The following ZNF839 variants were observed in gnomAD, a reference collection of about 807,000 sequenced individuals.
ZNF839 encodes renal carcinoma antigen NY-REN-50.
In ZNF839, 38 loss-of-function variants were observed where a neutral mutation model predicts 56.4. The observed-to-expected ratio is 0.67, with a 90% CI of 0.52 to 0.88. ZNF839 has a LOEUF of 0.88. Among genes scored for constraint, ZNF839 ranks in the 40% least tolerant of loss-of-function variants. The probability of loss-of-function intolerance (pLI) is 0.00; values close to 1 mark genes in which losing one functional copy is unlikely to be tolerated. For synonymous variants in ZNF839, 486 were observed against 493.5 expected (o/e 0.98, Z 0.20); for missense variants, 1,091 against 1,177.6 (o/e 0.93, Z 1.08).
Position 102,326,160 on chromosome 14 carries a change from C to T in ZNF839, c.464C>T (p.Pro155Leu), listed in dbSNP as rs773441102. Residue 155 changes from proline (P) to leucine (L), a missense_variant, in exon 2 of 8, where the codon CCG (proline) becomes CTG (leucine). By Grantham distance (98) the Pro-to-Leu change is moderately conservative (BLOSUM62 -3). Transcript: ENST00000442396. This position sits in a 1 kb window ranked among gnomAD's most constrained non-coding sequence, Gnocchi z 4.3. ...AGCCCTCAGCTGCTCAGGGTACAGC[C>T]GCTTGTGAGAACCGAGCCACAGTCC... ...IASPQLLRVQPLVRTEPQSCF... is the reference protein window; with the variant it reads ...IASPQLLRVQLLVRTEPQSCF... 3.3e-5 allele frequency: 54 copies of T among 1,613,714 alleles called. No individual in the cohort carries two copies. The Admixed American group carries it at 8.0e-4, about 24-fold the overall frequency.
Position 102,319,799 on chromosome 14 carries a change from AGCGAGGATGGCGGCGGCG to A in ZNF839, c.38_55del (p.Glu13_Gly18del). 1.6e-6 allele frequency: 2 copies of A among 1,232,332 alleles called. No homozygotes were observed. Among genetic ancestry groups the A allele is most frequent in the Non-Finnish European group, 2.0e-6 (2 of 988,342 alleles). The allele number at this position is 1,232,332 out of a possible 1,614,324, so 76.3% of individuals were successfully genotyped here. On this transcript the variant is annotated inframe_deletion, in exon 1 of 8. Coordinates refer to ENST00000442396, the MANE Select transcript of ZNF839 (RefSeq NM_018335.6). This position sits in a 1 kb window ranked among gnomAD's most constrained non-coding sequence, Gnocchi z 4.5. The stretch of plus-strand genomic sequence containing the variant: ...TGCGGAGCCGGAGGCTGGGGGCGGC[AGCGAGGATGGCGGCGGCG>A]GCGGCGGCCCGGCTCCTCCGGGCCA...
Position 102,319,790 on chromosome 14 carries a change from G to A in ZNF839, c.25G>A (p.Gly9Arg), listed in dbSNP as rs999512756. Residue 9 changes from glycine to arginine, a missense_variant, in exon 1 of 8, where the codon GGG (glycine) becomes AGG (arginine). Transcript: ENST00000442396. The surrounding 1 kb of genome is among the most constrained non-coding windows in gnomAD (Gnocchi z 4.5). MADAEPEAGGGSEDGGGGG... is the reference protein window; with the variant it reads MADAEPEARGGSEDGGGGG... Reference sequence around the variant, plus strand: ...CATGGCGGATGCGGAGCCGGAGGCTGGGGGCGGCAGCGAGGATGGCGGCGG... The same window carrying A: ...CATGGCGGATGCGGAGCCGGAGGCTAGGGGCGGCAGCGAGGATGGCGGCGG... 8.9e-6 allele frequency: 11 copies of A among 1,232,052 alleles called. No individual in the cohort carries two copies. In the Admixed American group the frequency reaches 1.3e-4, roughly 14 times the overall value. 76.3% of individuals were successfully genotyped at this position (1,232,052 alleles called of 1,614,324 possible). A position where few individuals can be genotyped will look rare whatever the true frequency, so the allele number is the denominator to read the frequency against.
chr14:102,326,203 A>T lies in ZNF839; in HGVS notation c.507A>T (p.Leu169Phe). 1 of 1,613,776 alleles carries T rather than the reference A, an allele frequency of 6.2e-7. No homozygotes were observed. Among genetic ancestry groups the T allele is most frequent in the Non-Finnish European group, 8.5e-7 (1 of 1,179,764 alleles). Reference sequence around the variant, plus strand: ...CACAGTCCTGCTTCCTAAGTGACTTATGCCAACCTCCTGCTCAGGGGTTTG... The same window carrying T: ...CACAGTCCTGCTTCCTAAGTGACTTTTGCCAACCTCCTGCTCAGGGGTTTG... ...TEPQSCFLSDLCQPPAQGFVQ... is the reference protein window; with the variant it reads ...TEPQSCFLSDFCQPPAQGFVQ... The change falls in exon 2 of 8, where the codon TTA becomes TTT. Residue 169 changes from leucine to phenylalanine, a missense_variant. Around this residue, in one of 3 missense-constraint regions of ZNF839, gnomAD observed 614 missense variants for 629.2 expected, o/e 0.98. Coordinates refer to ENST00000442396, the MANE Select transcript of ZNF839 (RefSeq NM_018335.6). This position sits in a 1 kb window ranked among gnomAD's most constrained non-coding sequence, Gnocchi z 4.3.
At chr14:102,323,416 G>GT (rs1260933332) in intron 1 of ZNF839, among the ~76,000 whole-genome samples, 2 of 152,216 alleles carry the variant, frequency 1.3e-5, no homozygotes, top group African/African-American at 4.8e-5. Context: ...CGGGAGCCTT[G>GT]TTTCTTTTGC....
In ZNF839 at chr14:102,320,003, C is replaced by T; in HGVS notation, c.238C>T (p.Arg80Trp). The T allele has an allele frequency of 8.5e-7, 1 of 1,177,324 alleles. No individual in the cohort carries two copies. Among genetic ancestry groups the T allele is most frequent in the Non-Finnish European group, 1.0e-6 (1 of 953,786 alleles). 72.9% of individuals were successfully genotyped at this position (1,177,324 alleles called of 1,614,324 possible). A position where few individuals can be genotyped will look rare whatever the true frequency, so the allele number is the denominator to read the frequency against. The stretch of plus-strand genomic sequence containing the variant: ...CGCGGCCCAACAGGCCGCCCTGCAG[C>T]GGGGCCGGGGCACCGAGCCCCCGCG... ...RDAAQQAALQ[R>W]GRGTEPPRLP... The change falls in exon 1 of 8, where the codon CGG (arginine) becomes TGG (tryptophan). Residue 80 changes from arginine to tryptophan, a missense_variant. Coordinates refer to ENST00000442396, the MANE Select transcript of ZNF839 (RefSeq NM_018335.6).
chr14:102,323,628 T>C (rs1245553352), intron 1 of ZNF839, among the ~76,000 whole-genome samples: 2 of 152,176 alleles, frequency 1.3e-5, no homozygotes, highest in Non-Finnish European at 2.9e-5. Context: ...ACCTGCGTGT[T>C]TTTTTTATAG....
intron 6 of ZNF839, 48 bp downstream of exon 6, chr14:102,339,001 G>C: frequency 6.2e-7 from 1 of 1,613,762 alleles, no homozygotes; most frequent in Non-Finnish European, 8.5e-7. Context: ...CGGTGAATTA[G>C]CGTGGTTTGG....
At chr14:102,337,488 A>G (rs886834669) in intron 5 of ZNF839, 9 of 152,178 alleles carry the variant, frequency 5.9e-5, no homozygotes, top group African/African-American at 2.2e-4. Context: ...TAAATTACAT[A>G]TGATGAAAAT....
chr14:102,326,464 T>C lies in ZNF839; in HGVS notation c.768T>C (p.Pro256=), dbSNP rs753596139. 1.2e-6 allele frequency: 2 copies of C among 1,613,972 alleles called. No homozygotes were observed. The highest frequency in any genetic ancestry group is 2.7e-5 in the African/African-American group (2 of 75,042). Reference sequence around the variant, plus strand: ...CACGTTCTGGACGGGTATCTCGACCTCCCAAATATAAAGCTAAAGATTATA... The same window carrying C: ...CACGTTCTGGACGGGTATCTCGACCCCCCAAATATAAAGCTAAAGATTATA... ...VKTRSGRVSR[P]PKYKAKDYKF... Residue 256 remains proline, a synonymous_variant, in exon 2 of 8, where the codon CCT becomes CCC. Transcript: ENST00000442396. This position sits in a 1 kb window ranked among gnomAD's most constrained non-coding sequence, Gnocchi z 4.3.
intron 1 of ZNF839, among the ~76,000 whole-genome samples, chr14:102,325,570 T>C (rs1416551797): frequency 6.6e-6 from 1 of 151,990 alleles, no homozygotes; most frequent in Non-Finnish European, 1.5e-5. Flanking sequence ...CGATCTCAGC[T>C]TACTGCAACC....
In ZNF839 at chr14:102,326,652, A is replaced by G. The variant is rs747583301; in HGVS notation, c.956A>G (p.Glu319Gly). The change falls in exon 2 of 8, where the codon GAA becomes GGA. Residue 319 changes from glutamate (E) to glycine (G), a missense_variant. By Grantham distance (98) the Glu-to-Gly change is moderately conservative. Coordinates refer to ENST00000442396, the MANE Select transcript of ZNF839 (RefSeq NM_018335.6). The surrounding 1 kb of genome is among the most constrained non-coding windows in gnomAD (Gnocchi z 4.3). The stretch of plus-strand genomic sequence containing the variant: ...AAAAGCTTTAAGTGTCAGACTTGTG[A>G]AAAGTCATATATAGGGAAGGGGGGA... ...RPKSFKCQTC[E>G]KSYIGKGGLA... 8 of 1,613,038 alleles carry G rather than the reference A, an allele frequency of 5.0e-6. No homozygotes were observed. Among genetic ancestry groups the G allele is most frequent in the Non-Finnish European group, 6.8e-6 (8 of 1,179,590 alleles).
In ZNF839 at chr14:102,326,337, C is replaced by T. The variant is rs185772819; in HGVS notation, c.641C>T (p.Pro214Leu). 4.9e-4 allele frequency: 793 copies of T among 1,609,826 alleles called. No homozygotes were observed. The highest frequency in any genetic ancestry group is 6.1e-4 in the Non-Finnish European group (716 of 1,177,970). Residue 214 changes from proline (P) to leucine (L), a missense_variant, in exon 2 of 8, where the codon CCG (proline) becomes CTG (leucine). Pro to Leu is a moderately conservative substitution (Grantham distance 98). Coordinates refer to ENST00000442396, the MANE Select transcript of ZNF839 (RefSeq NM_018335.6). This position sits in a 1 kb window ranked among gnomAD's most constrained non-coding sequence, Gnocchi z 4.3. ...TTGACCCCTTTGTCTGCCTCTGACC[C>T]GCTGGCAGTAACATCTCTTTCATCC... Reference protein sequence around the residue: ...SMLTPLSASDPLAVTSLSSSS... With the variant: ...SMLTPLSASDLLAVTSLSSSS...
At position 102,335,680 on chromosome 14, in the gene ZNF839, T is replaced by C. The variant is rs1375512316; in HGVS notation, c.1510-9T>C. 6.3e-7 allele frequency: 1 copy of C among 1,584,264 alleles called. No homozygotes were observed. Among genetic ancestry groups the C allele is most frequent in the Admixed American group, 1.8e-5 (1 of 55,864 alleles). On this transcript the variant is annotated splice_polypyrimidine_tract_variant and intron_variant, in intron 4 of 7. Coordinates refer to ENST00000442396, the MANE Select transcript of ZNF839 (RefSeq NM_018335.6). The stretch of plus-strand genomic sequence containing the variant: ...TTAAACTTTTTTTTTGGTCTTTATC[T>C]TCACGAAGGTTGAAAAAGATCATCT...
At chr14:102,320,183 T>G (rs1202540600) in intron 1 of ZNF839, 130 bp downstream of exon 1, 6 of 1,043,368 alleles carry the variant, frequency 5.8e-6, no homozygotes, top group Non-Finnish European at 6.9e-6. Flanking sequence ...CAGGCTGAGC[T>G]TCTTAGGGAC....
chr14:102,331,677 C>G lies in ZNF839; in HGVS notation c.1247C>G (p.Ala416Gly). ...ETLPSEPENG[A>G]LLRSERYQGP... ...TTGCCATCTGAACCAGAAAATGGAG[C>G]TCTTTTGCGATCAGAGAGATACCAA... Residue 416 changes from alanine to glycine, a missense_variant, in exon 3 of 8, where the codon GCT (alanine) becomes GGT (glycine). Coordinates refer to ENST00000442396, the MANE Select transcript of ZNF839 (RefSeq NM_018335.6). 1 of 1,612,628 alleles carries G rather than the reference C, an allele frequency of 6.2e-7. No homozygotes were observed. Among genetic ancestry groups the G allele is most frequent in the Non-Finnish European group, 8.5e-7 (1 of 1,179,300 alleles).
chr14:102,332,684 C>T lies in ZNF839; in HGVS notation c.1416+838C>T, dbSNP rs1207063996. On this transcript the variant is annotated intron_variant, in intron 3 of 7. Coordinates refer to ENST00000442396, the MANE Select transcript of ZNF839 (RefSeq NM_018335.6). This position sits in a 1 kb window ranked among gnomAD's most constrained non-coding sequence, Gnocchi z 4.9. Reference sequence around the variant, plus strand: ...CAGCACTTTGGGAGGCCGAGGTGGGCGGATCACCTGAAGTCAGGAGTTCGA... The same window carrying T: ...CAGCACTTTGGGAGGCCGAGGTGGGTGGATCACCTGAAGTCAGGAGTTCGA... Among the ~76,000 whole-genome samples, 6 of 151,684 alleles carry T rather than the reference C, an allele frequency of 4.0e-5. No homozygotes were observed. Among genetic ancestry groups the T allele is most frequent in the Admixed American group, 6.6e-5 (1 of 15,222 alleles).
At chr14:102,331,304 A>G (rs914680083) in intron 2 of ZNF839, among the ~76,000 whole-genome samples, 4 of 152,112 alleles carry the variant, frequency 2.6e-5, no homozygotes, top group African/African-American at 9.6e-5. Context: ...GCTGGAGTGC[A>G]GTGGCACCAT....
Position 102,339,139 on chromosome 14 carries a change from G to A in ZNF839, c.1843G>A (p.Ala615Thr), listed in dbSNP as rs758004844. The change falls in exon 7 of 8, where the codon GCC becomes ACC. Residue 615 changes from alanine to threonine, a missense_variant. By Grantham distance (58) the Ala-to-Thr change is moderately conservative. Coordinates refer to ENST00000442396, the MANE Select transcript of ZNF839 (RefSeq NM_018335.6). ...LASVKRPRRE[A>T]LSNDTTESLA... ...CTCAGTGAAAAGGCCCAGAAGAGAAGCCCTGTCCAACGATACCACTGAATC... is the reference window on the plus strand; with the variant it reads ...CTCAGTGAAAAGGCCCAGAAGAGAAACCCTGTCCAACGATACCACTGAATC... 2 of 1,613,436 alleles carry A rather than the reference G, an allele frequency of 1.2e-6. No homozygotes were observed. Among genetic ancestry groups the A allele is most frequent in the African/African-American group, 1.3e-5 (1 of 74,946 alleles).
chr14:102,321,257 C>A (rs529136503), intron 1 of ZNF839, among the ~76,000 whole-genome samples: 5 of 152,280 alleles, frequency 3.3e-5, no homozygotes, highest in African/African-American at 1.2e-4. Flanking sequence ...TGTGCGGGGC[C>A]GCTCAGTTTT....
Sources: allele counts gnomAD v4.1 joint callset (sites outside exome capture counted in the v4.1 genomes callset), GRCh38; gene constraint gnomAD v4.1.1; regional missense constraint gnomAD v4.1.1; non-coding constraint Gnocchi (gnomAD v3.1); transcripts MANE v1.5; gene names NCBI Gene and HGNC (gene_info 2026-07-23, HGNC 2026-07-21).